The following ST6GALNAC2 variants were observed in gnomAD, a reference collection of about 807,000 sequenced individuals.
The protein encoded by ST6GALNAC2 is alpha-N-acetylgalactosaminide alpha-2,6-sialyltransferase 2.
A neutral mutation model predicts 38.7 loss-of-function variants in ST6GALNAC2; 42 were observed. The observed-to-expected ratio is 1.09, with a 90% CI of 0.85 to 1.40. The LOEUF is 1.40. ST6GALNAC2 is among the 40% of genes most tolerant of loss of function. The pLI, the probability that ST6GALNAC2 is intolerant of heterozygous loss-of-function variation, is 0.00. For synonymous variants in ST6GALNAC2, 233 were observed against 209.0 expected, an observed-to-expected ratio of 1.11 and a Z score of -0.99; for missense variants, 506 against 481.7, an observed-to-expected ratio of 1.05 and a Z score of -0.47.
chr17:76,575,331 C>T (rs1465193030), intron 2 of ST6GALNAC2, among the ~76,000 whole-genome samples: 1 of 152,132 alleles, frequency 6.6e-6, no homozygotes, highest in Admixed American at 6.5e-5. Flanking sequence ...AGTGTCCCCC[C>T]AAAATTCATT....
intron 7 of ST6GALNAC2, chr17:76,568,271 C>T (rs982260667): frequency 2.6e-5 from 5 of 189,242 alleles, no homozygotes; most frequent in African/African-American, 4.7e-5. Flanking sequence ...CAACCCCAGA[C>T]GAGGACCATA....
rs1316014498 is a variant in ST6GALNAC2, at chr17:76,570,684, C to G, written c.670-16G>C. On this transcript the variant is annotated splice_polypyrimidine_tract_variant and intron_variant, in intron 5 of 8. Transcript: ENST00000225276. ...ACTGCAGGTCCTGTCAGAATAGAGA[C>G]AATGAGCCCAGAGGGGAACCAGGAC... is the stretch of plus-strand genomic sequence containing the variant. The G allele has an allele frequency of 6.3e-7, 1 of 1,590,072 alleles. No homozygotes were observed. Among genetic ancestry groups the G allele is most frequent in the Non-Finnish European group, 8.6e-7 (1 of 1,163,446 alleles).
chr17:76,566,313 T>C, intron 8 of ST6GALNAC2, 42 bp from the exon 9 acceptor site: 3 of 1,603,448 alleles, frequency 1.9e-6, no homozygotes, highest in African/African-American at 1.3e-5. Flanking sequence ...GTTGAGCGTC[T>C]AGTGTGTACA....
chr17:76,575,195 CT>C (rs2075401950), intron 2 of ST6GALNAC2, among the ~76,000 whole-genome samples: 1 of 152,150 alleles, frequency 6.6e-6, no homozygotes, highest in Non-Finnish European at 1.5e-5. Flanking sequence ...CTGGGCTGAG[CT>C]GAGGCTGTCA....
Position 76,574,391 on chromosome 17 carries a change from T to C in ST6GALNAC2, c.335A>G (p.Tyr112Cys). 6.2e-7 allele frequency: 1 copy of C among 1,613,548 alleles called. No individual in the cohort carries two copies. Among genetic ancestry groups the C allele is most frequent in the East Asian group, 2.2e-5 (1 of 44,864 alleles). Residue 112 changes from tyrosine to cysteine, a missense_variant, in exon 3 of 9, where the codon TAT (tyrosine) becomes TGT (cysteine). Tyr to Cys is a radical substitution (Grantham distance 194, BLOSUM62 -2). Transcript: ENST00000225276. The part of the protein sequence containing the change: ...WDRLSQHKAP[Y>C]GWRGLSHQVI... The stretch of plus-strand genomic sequence containing the variant: ...TTGGTGAGAGAGCCCCCGCCAGCCA[T>C]ACGGGGCTTTGTGTTGGCTCAGGCG...
chr17:76,568,904 A>G (rs1165897029), intron 6 of ST6GALNAC2, 108 bp from the exon 7 acceptor site: 1 of 1,040,330 alleles, frequency 9.6e-7, no homozygotes, highest in Admixed American at 1.9e-5. Context: ...CCTGAGCGGT[A>G]GGAGCGGGGC....
intron 5 of ST6GALNAC2, among the ~76,000 whole-genome samples, chr17:76,572,101 C>T (rs567350727): frequency 8.5e-4 from 130 of 152,206 alleles, no homozygotes; most frequent in African/African-American, 2.9e-3. Context: ...GTTCCTGAAC[C>T]TCTCAGCGTC....
Position 76,578,886 on chromosome 17 carries a change from C to A in ST6GALNAC2, c.126-70G>T. ...TACCCCTTGGAAGCTTTTGGACTGACCGACCCCCTTAGCTCTAGGGGCGGA... is the reference window on the plus strand; with the variant it reads ...TACCCCTTGGAAGCTTTTGGACTGAACGACCCCCTTAGCTCTAGGGGCGGA... On this transcript the variant is annotated intron_variant, in intron 1 of 8. Coordinates refer to ENST00000225276, the MANE Select transcript of ST6GALNAC2 (RefSeq NM_006456.3). 2.1e-6 allele frequency: 3 copies of A among 1,422,866 alleles called. No homozygotes were observed. In the South Asian group the frequency reaches 3.7e-5, roughly 18 times the overall value. The allele number at this position is 1,422,866 out of a possible 1,614,324, so 88.1% of individuals were successfully genotyped here. A position where few individuals can be genotyped will look rare whatever the true frequency, so the allele number is the denominator to read the frequency against.
intron 1 of ST6GALNAC2, among the ~76,000 whole-genome samples, chr17:76,579,795 A>G (rs1598260463): frequency 6.6e-6 from 1 of 152,282 alleles, no homozygotes; most frequent in East Asian, 1.9e-4. Context: ...TCCATCTATG[A>G]GGATGCAGCA....
chr17:76,567,686 A>G (rs894930900), intron 7 of ST6GALNAC2, 134 bp from the exon 8 acceptor site: 29 of 618,646 alleles, frequency 4.7e-5, no homozygotes, highest in African/African-American at 7.4e-5. Context: ...TATTCGGTCC[A>G]AGTGGACTAA....
intron 6 of ST6GALNAC2, chr17:76,570,232 C>G (rs1444061572): frequency 3.6e-6 from 1 of 276,660 alleles, no homozygotes; most frequent in African/African-American, 2.2e-5. Flanking sequence ...CCGCTGGCGG[C>G]TGGGCTGGGC....
At chr17:76,575,487 A>G (rs1341307766) in intron 2 of ST6GALNAC2, among the ~76,000 whole-genome samples, 2 of 152,160 alleles carry the variant, frequency 1.3e-5, no homozygotes, top group African/African-American at 4.8e-5. Flanking sequence ...GATCTGTGCG[A>G]TGCACCATAA....
rs2075378345 is a variant in ST6GALNAC2, at chr17:76,573,492, G to T, written c.362-129C>A. 3 of 873,744 alleles carry T rather than the reference G, an allele frequency of 3.4e-6. No individual in the cohort carries two copies. The highest frequency in any genetic ancestry group is 4.9e-6 in the Non-Finnish European group (3 of 613,088). The allele number at this position is 873,744 out of a possible 1,614,324, so 54.1% of individuals were successfully genotyped here. ...CCTAGCCCCTCCCAAGAAGCACAGA[G>T]GGTGGGAGGGGAAGGAGATGTCTGT... is the stretch of plus-strand genomic sequence containing the variant. On this transcript the variant is annotated intron_variant, in intron 3 of 8. Transcript: ENST00000225276. The surrounding 1 kb of genome is among the most constrained non-coding windows in gnomAD (Gnocchi z 5.1).
Position 76,566,139 on chromosome 17 carries a change from G to T in ST6GALNAC2, c.1090C>A (p.His364Asn), listed in dbSNP as rs904452213. The change falls in exon 9 of 9, where the codon CAC (histidine) becomes AAC (asparagine). Residue 364 changes from histidine (H) to asparagine (N), a missense_variant. Coordinates refer to ENST00000225276, the MANE Select transcript of ST6GALNAC2 (RefSeq NM_006456.3). ...TACAGCTGAAGGATGCCGGCCTTGT[G>T]CAGGTCCCTCCACAGGGCAGCTTCC... ...SLEAALWRDLHKAGILQLYQR is the reference protein window; with the variant it reads ...SLEAALWRDLNKAGILQLYQR 4 of 1,613,992 alleles carry T rather than the reference G, an allele frequency of 2.5e-6. No homozygotes were observed. The highest frequency in any genetic ancestry group is 1.6e-4 in the Middle Eastern group (1 of 6,082).
chr17:76,583,262 G>A (rs2143323712), intron 1 of ST6GALNAC2, among the ~76,000 whole-genome samples: 1 of 151,504 alleles, frequency 6.6e-6, no homozygotes, highest in Non-Finnish European at 1.5e-5. Flanking sequence ...TGTAGACCCA[G>A]CTACTCGGGA....
At chr17:76,574,701 G>A (rs1308119048) in intron 2 of ST6GALNAC2, among the ~76,000 whole-genome samples, 162 bp from the exon 3 acceptor site, 1 of 151,568 alleles carries the variant, frequency 6.6e-6, no homozygotes. Flanking sequence ...TTTTGAGACA[G>A]AGTCTCGCTC....
chr17:76,566,372 G>C, intron 8 of ST6GALNAC2, 101 bp from the exon 9 acceptor site: 1 of 1,305,450 alleles, frequency 7.7e-7, no homozygotes, highest in East Asian at 2.3e-5. Context: ...CGTCTGCTGA[G>C]GTGAGGATAA....
chr17:76,569,526 G>C (rs1237764447), intron 6 of ST6GALNAC2: 1 of 228,938 alleles, frequency 4.4e-6, no homozygotes, highest in East Asian at 7.4e-5. Flanking sequence ...GGGAGGAAGA[G>C]CCCCGAGTGG....
rs577937280 is a variant in ST6GALNAC2 at position 76,569,907 on chromosome 17, C to T, written c.773+658G>A. 1.6e-5 allele frequency: 4 copies of T among 253,484 alleles called. No homozygotes were observed. In the South Asian group the frequency reaches 5.2e-4, roughly 33 times the overall value. 15.7% of individuals were successfully genotyped at this position (253,484 alleles called of 1,614,324 possible). A position where few individuals can be genotyped will look rare whatever the true frequency, so the allele number is the denominator to read the frequency against. On this transcript the variant is annotated intron_variant, in intron 6 of 8. Coordinates refer to ENST00000225276, the MANE Select transcript of ST6GALNAC2 (RefSeq NM_006456.3). ...CTGGTTGTCTGGGCCACAGCAGTGGCGTCGATTTTTAGGGACCTGATCTCA... is the reference window on the plus strand; with the variant it reads ...CTGGTTGTCTGGGCCACAGCAGTGGTGTCGATTTTTAGGGACCTGATCTCA...
Sources: allele counts gnomAD v4.1 joint callset (sites outside exome capture counted in the v4.1 genomes callset), GRCh38; gene constraint gnomAD v4.1.1; non-coding constraint Gnocchi (gnomAD v3.1); transcripts MANE v1.5; gene names NCBI Gene and HGNC (gene_info 2026-07-23, HGNC 2026-07-21).